RPH3A: variants seen among roughly 807,000 people sequenced by gnomAD.
RPH3A encodes rabphilin-3A.
In RPH3A, 48 loss-of-function variants were observed where a neutral mutation model predicts 102.2. The observed-to-expected ratio is 0.47, with a 90% CI of 0.37 to 0.60. The LOEUF is 0.60. Among genes scored for constraint, RPH3A ranks in the 20% least tolerant of loss-of-function variants. RPH3A has a pLI of 0.00. For synonymous variants in RPH3A, 310 were observed against 324.3 expected (o/e 0.96, Z 0.47); for missense variants, 781 against 910.1 (o/e 0.86, Z 1.83).
chr12:112,757,539 A>G (rs1481100063), intron 1 of RPH3A, among the ~76,000 whole-genome samples: 4 of 152,242 alleles, frequency 2.6e-5, no homozygotes, highest in African/African-American at 9.6e-5. Flanking sequence ...TTTGGTCATT[A>G]CACGTTGTAT....
At chr12:112,677,700 C>T (rs1473354593) in intron 1 of RPH3A, among the ~76,000 whole-genome samples, 1 of 151,950 alleles carries the variant, frequency 6.6e-6, no homozygotes, top group African/African-American at 2.4e-5. Context: ...ATCCCCACCT[C>T]ACAGAATCCT....
At chr12:112,610,089 C>T (rs2039627567) in intron 1 of RPH3A, among the ~76,000 whole-genome samples, 1 of 152,198 alleles carries the variant, frequency 6.6e-6, no homozygotes, top group African/African-American at 2.4e-5. Flanking sequence ...TACTCTCCCC[C>T]GGCTCTCTTG....
chr12:112,717,686 C>T (rs1263104090), intron 1 of RPH3A, among the ~76,000 whole-genome samples: 1 of 149,052 alleles, frequency 6.7e-6, no homozygotes, highest in Admixed American at 6.7e-5. Context: ...AAAGCAGTTA[C>T]AAACATTTGT....
rs2040527959 is a variant in RPH3A at position 112,718,401 on chromosome 12, T to C, written c.-139-73742T>C. Among the ~76,000 whole-genome samples, 3 of 151,988 alleles carry C rather than the reference T, an allele frequency of 2.0e-5. No homozygotes were observed. The South Asian group carries it at 6.2e-4, about 31-fold the overall frequency. On this transcript the variant is annotated intron_variant, in intron 1 of 21. Coordinates refer to the RPH3A transcript ENST00000543106. Reference sequence around the variant, plus strand: ...ACAAATGTAGAGAGGGAAAGAAAAATTTTCTTCCCAGGGAATTATGTCTAA... The same window carrying C: ...ACAAATGTAGAGAGGGAAAGAAAAACTTTCTTCCCAGGGAATTATGTCTAA...
chr12:112,824,734 G>A (rs937020415), intron 2 of RPH3A, among the ~76,000 whole-genome samples: 1 of 152,192 alleles, frequency 6.6e-6, no homozygotes, highest in Non-Finnish European at 1.5e-5. Context: ...TGGCCTGGAG[G>A]GATGGAGCTG....
chr12:112,609,410 C>A (rs1029877135), intron 1 of RPH3A, among the ~76,000 whole-genome samples: 3 of 152,214 alleles, frequency 2.0e-5, no homozygotes, highest in Non-Finnish European at 4.4e-5. Context: ...AGTCTTACTG[C>A]TGTCCCTTGA....
At chr12:112,836,351 T>C in intron 3 of RPH3A, 140 bp from the exon 4 acceptor site, 1 of 407,414 alleles carries the variant, frequency 2.5e-6, no homozygotes, top group Non-Finnish European at 4.4e-6. Context: ...AATAAGGTAA[T>C]AATGGCTGAA....
At chr12:112,801,101 A>G (rs1373260547) in intron 2 of RPH3A, among the ~76,000 whole-genome samples, 3 of 152,136 alleles carry the variant, frequency 2.0e-5, no homozygotes, top group Non-Finnish European at 4.4e-5. Context: ...GTGTCTGGCC[A>G]AGCCTTTCTC....
At chr12:112,688,289 G>A (rs2040281852) in intron 1 of RPH3A, among the ~76,000 whole-genome samples, 1 of 152,134 alleles carries the variant, frequency 6.6e-6, no homozygotes, top group South Asian at 2.1e-4. Context: ...TCAAAATGTT[G>A]TGTATAAAGG....
intron 5 of RPH3A, among the ~76,000 whole-genome samples, chr12:112,862,561 C>T (rs2042536944): frequency 6.6e-6 from 1 of 152,062 alleles, no homozygotes. Context: ...CTGCCCCCTC[C>T]AATCATCCTA....
intron 7 of RPH3A, 143 bp from the exon 8 acceptor site, chr12:112,868,287 G>T: frequency 2.6e-6 from 2 of 782,998 alleles, no homozygotes; most frequent in Non-Finnish European, 2.0e-6. Flanking sequence ...AATTGTGCAG[G>T]GCTCTGTAGT....
chr12:112,778,103 CT>C (rs1212892070), intron 1 of RPH3A, among the ~76,000 whole-genome samples: 1 of 152,178 alleles, frequency 6.6e-6, no homozygotes, highest in African/African-American at 2.4e-5. Flanking sequence ...AGGGAAACAC[CT>C]TCTTCTGAGT....
chr12:112,875,206 T>TAGCACCTGCCCAG lies in RPH3A; in HGVS notation c.883+36_883+37insAGCACCTGCCCAG, dbSNP rs765411839. The TAGCACCTGCCCAG allele has an allele frequency of 2.6e-6, 4 of 1,522,292 alleles. No homozygotes were observed. In the Admixed American group the frequency reaches 7.7e-5, roughly 29 times the overall value. 94.3% of individuals were successfully genotyped at this position (1,522,292 alleles called of 1,614,324 possible). The stretch of plus-strand genomic sequence containing the variant: ...CTCACCTGCTAGCACCTGCCCAGGC[T>TAGCACCTGCCCAG]GTCACTCGGCTGTGACCCTCATACC... On this transcript the variant is annotated intron_variant, in intron 11 of 21. Transcript: ENST00000389385.
intron 1 of RPH3A, among the ~76,000 whole-genome samples, chr12:112,708,686 C>G (rs1284386337): frequency 1.3e-5 from 2 of 152,058 alleles, no homozygotes; most frequent in Non-Finnish European, 2.9e-5. Context: ...GTCTGAAAGC[C>G]TTTGTTGGTG....
chr12:112,613,762 A>G (rs1467444755), intron 1 of RPH3A, among the ~76,000 whole-genome samples: 1 of 152,166 alleles, frequency 6.6e-6, no homozygotes, highest in Non-Finnish European at 1.5e-5. Flanking sequence ...AGGCTGGACA[A>G]CATAGCAAGA....
At chr12:112,881,114 C>T (rs866115512) in intron 14 of RPH3A, among the ~76,000 whole-genome samples, 2 of 152,038 alleles carry the variant, frequency 1.3e-5, no homozygotes, top group Non-Finnish European at 2.9e-5. Flanking sequence ...ATGACGGGAG[C>T]CCAGAGGTGG....
chr12:112,780,663 T>C (rs1436808809), intron 1 of RPH3A, among the ~76,000 whole-genome samples: 1 of 152,218 alleles, frequency 6.6e-6, no homozygotes, highest in Non-Finnish European at 1.5e-5. Context: ...GTTTTAATCC[T>C]GTTTTATCCT....
intron 1 of RPH3A, among the ~76,000 whole-genome samples, chr12:112,707,019 T>C (rs971225970): frequency 1.3e-5 from 2 of 152,188 alleles, no homozygotes; most frequent in African/African-American, 4.8e-5. Context: ...AAGGGCTTTG[T>C]ACCCCAAGAG....
At chr12:112,787,211 A>G (rs2041057257), upstream of RPH3A, among the ~76,000 whole-genome samples, 1 of 152,192 alleles carries the variant, frequency 6.6e-6, no homozygotes, top group African/African-American at 2.4e-5. Context: ...TCACACTTGC[A>G]AAGTCCCACT....
Sources: gnomAD v4.1 joint callset for allele counts (sites outside exome capture counted in the v4.1 genomes callset) on GRCh38, gnomAD v4.1.1 for gene constraint, MANE v1.5 for transcripts, NCBI Gene and HGNC (gene_info 2026-07-23, HGNC 2026-07-21) for gene names.